The following EYA1 variants were observed in gnomAD, a reference collection of about 807,000 sequenced individuals.
The protein encoded by EYA1 is EYA transcriptional coactivator and phosphatase 1.
EYA1 carries 16 observed loss-of-function variants against 82.0 expected under a neutral mutation model. The observed-to-expected ratio is 0.20, with a 90% confidence interval of 0.13 to 0.30. EYA1 has a LOEUF of 0.30. Among genes scored for constraint, EYA1 ranks in the 10% least tolerant of loss-of-function variants. EYA1 has a pLI of 1.00. For missense variants in EYA1, 633 were observed against 730.7 expected, an observed-to-expected ratio of 0.87 and a Z score of 1.54; for synonymous variants, 261 against 264.4, an observed-to-expected ratio of 0.99 and a Z score of 0.12.
intron 3 of EYA1, among the ~76,000 whole-genome samples, chr8:71,346,464 A>ATATATATATATATAT (rs1825755122): frequency 2.1e-5 from 3 of 144,620 alleles, no homozygotes; most frequent in Non-Finnish European, 4.5e-5. Context: ...ATCTATATAT[A>ATATATATATATATAT]TCCTTCTCCC....
intron 2 of EYA1, among the ~76,000 whole-genome samples, chr8:71,525,020 C>T (rs1813704601): frequency 6.6e-6 from 1 of 152,182 alleles, no homozygotes; most frequent in Non-Finnish European, 1.5e-5. Flanking sequence ...ACATTGCTTA[C>T]TAAAGCCATC....
rs993512623 is a variant in EYA1 at position 71,362,051 on chromosome 8, G to A, written c.-459C>T. 1.1e-5 allele frequency: 11 copies of A among 985,322 alleles called. No individual in the cohort carries two copies. In the South Asian group the frequency reaches 3.3e-4, roughly 29 times the overall value. 61.0% of individuals were successfully genotyped at this position (985,322 alleles called of 1,614,324 possible). A position where few individuals can be genotyped will look rare whatever the true frequency, so the allele number is the denominator to read the frequency against. ...AGCGCTCCTTCCCCACCAAACAGCA[G>A]CGGCAGATAGCATCTGAGAACCCTA... On this transcript the variant is annotated 5_prime_UTR_variant, in exon 1 of 18. Coordinates refer to ENST00000340726, the MANE Select transcript of EYA1 (RefSeq NM_000503.6).
chr8:71,533,306 A>T (rs978025400), intron 2 of EYA1, among the ~76,000 whole-genome samples: 1 of 152,202 alleles, frequency 6.6e-6, no homozygotes, highest in South Asian at 2.1e-4. Context: ...AAAAACAGCA[A>T]TCTTTCAGTG....
chr8:71,543,112 C>T (rs1444101240), intron 1 of EYA1, among the ~76,000 whole-genome samples: 1 of 152,084 alleles, frequency 6.6e-6, no homozygotes. Flanking sequence ...AAATCTTTGC[C>T]CCTTCATATG....
chr8:71,493,179 G>A (rs993162707), intron 2 of EYA1, among the ~76,000 whole-genome samples: 1 of 152,138 alleles, frequency 6.6e-6, no homozygotes, highest in African/African-American at 2.4e-5. Flanking sequence ...TGGCATTTAG[G>A]TTGATTCCAT....
At chr8:71,257,239 T>C (rs2128925825) in intron 11 of EYA1, among the ~76,000 whole-genome samples, 1 of 152,220 alleles carries the variant, frequency 6.6e-6, no homozygotes, top group East Asian at 1.9e-4. Flanking sequence ...AGCAGAGGGA[T>C]ACGATGAAGA....
chr8:71,456,462 C>T (rs1207023116), intron 2 of EYA1, among the ~76,000 whole-genome samples: 3 of 151,954 alleles, frequency 2.0e-5, no homozygotes, highest in Non-Finnish European at 1.5e-5. Context: ...AATCCTAAGC[C>T]AAAAGAACAA....
chr8:71,228,685 AT>A (rs1810846748), intron 12 of EYA1, among the ~76,000 whole-genome samples: 1 of 152,116 alleles, frequency 6.6e-6, no homozygotes, highest in Non-Finnish European at 1.5e-5. Flanking sequence ...TCTTTCATTC[AT>A]TTTCTCATGC....
intron 1 of EYA1, among the ~76,000 whole-genome samples, chr8:71,542,833 A>C (rs1030410113): frequency 2.0e-5 from 3 of 152,130 alleles, no homozygotes; most frequent in African/African-American, 7.2e-5. Flanking sequence ...GCTTTTCTTC[A>C]TATGATTTTT....
chr8:71,318,180 G>C (rs923798700), intron 6 of EYA1, among the ~76,000 whole-genome samples: 1 of 152,050 alleles, frequency 6.6e-6, no homozygotes, highest in Non-Finnish European at 1.5e-5. Context: ...CTACAAAGCT[G>C]ATTTCAGTAC....
At chr8:71,253,852 T>C (rs1201321920) in intron 11 of EYA1, among the ~76,000 whole-genome samples, 2 of 152,176 alleles carry the variant, frequency 1.3e-5, no homozygotes, top group East Asian at 3.8e-4. Context: ...ATCAAAAATA[T>C]GCAATAATAC....
chr8:71,332,000 A>G (rs1333373422), intron 4 of EYA1, among the ~76,000 whole-genome samples: 1 of 152,086 alleles, frequency 6.6e-6, no homozygotes, highest in Non-Finnish European at 1.5e-5. Flanking sequence ...GGCGCATGCC[A>G]CCACGCCCAG....
At chr8:71,545,394 A>G (rs539962362) in intron 1 of EYA1, among the ~76,000 whole-genome samples, 98 of 152,318 alleles carry the variant, frequency 6.4e-4, no homozygotes, top group African/African-American at 2.2e-3. Context: ...AAGAAAAATT[A>G]GACACTTTCA....
chr8:71,530,427 A>G (rs1814170466), intron 2 of EYA1, among the ~76,000 whole-genome samples: 1 of 152,242 alleles, frequency 6.6e-6, no homozygotes, highest in Admixed American at 6.5e-5. Context: ...ACTTTGTTAC[A>G]GAAGTCCTAA....
chr8:71,313,552 T>A (rs1354535854), intron 7 of EYA1, among the ~76,000 whole-genome samples: 1 of 152,182 alleles, frequency 6.6e-6, no homozygotes, highest in Non-Finnish European at 1.5e-5. Flanking sequence ...GAGTTCTTAC[T>A]ATGTACCACA....
chr8:71,268,160 GA>G (rs1350154125), intron 11 of EYA1, among the ~76,000 whole-genome samples: 2 of 151,692 alleles, frequency 1.3e-5, no homozygotes, highest in Admixed American at 1.3e-4. Context: ...TTGGCTAATA[GA>G]ATACTCTTAG....
chr8:71,283,429 A>G (rs543584791), intron 9 of EYA1, among the ~76,000 whole-genome samples: 2 of 152,246 alleles, frequency 1.3e-5, no homozygotes, highest in African/African-American at 2.4e-5. Flanking sequence ...TGTGCCTCCA[A>G]TAGAATGTAA....
At chr8:71,466,373 A>C (rs1160736399) in intron 2 of EYA1, among the ~76,000 whole-genome samples, 1 of 152,186 alleles carries the variant, frequency 6.6e-6, no homozygotes, top group Non-Finnish European at 1.5e-5. Flanking sequence ...AAATCAGAAA[A>C]GGCAAGGCAA....
chr8:71,495,439 C>G (rs1218075326), intron 2 of EYA1, among the ~76,000 whole-genome samples: 2 of 151,936 alleles, frequency 1.3e-5, no homozygotes, highest in African/African-American at 4.8e-5. Context: ...CATGGTGAAA[C>G]CCCATCTCTA....
Sources: allele counts gnomAD v4.1 joint callset (sites outside exome capture counted in the v4.1 genomes callset), GRCh38; gene constraint gnomAD v4.1.1; transcripts MANE v1.5; gene names NCBI Gene and HGNC (gene_info 2026-07-23, HGNC 2026-07-21).